The following PLA2R1 variants were observed in gnomAD, a reference collection of about 807,000 sequenced individuals.
The protein encoded by PLA2R1 is phospholipase A2 receptor 1.
Under a neutral mutation model 195.9 loss-of-function variants are expected in PLA2R1, and 158 were observed. The observed-to-expected ratio is 0.81, with a 90% CI of 0.71 to 0.92. PLA2R1 has a LOEUF of 0.92. Among genes scored for constraint, PLA2R1 ranks in the 40% least tolerant of loss-of-function variants. The probability of loss-of-function intolerance (pLI) is 0.00; values close to 1 mark genes in which losing one functional copy is unlikely to be tolerated. For missense variants in PLA2R1, 1,626 were observed against 1,764.6 expected (o/e 0.92, Z 1.41); for synonymous variants, 586 against 598.2 (o/e 0.98, Z 0.30).
chr2:159,940,700 C>A lies in PLA2R1; in HGVS notation c.*1078G>T, dbSNP rs1479820448. On this transcript the variant is annotated 3_prime_UTR_variant, in exon 30 of 30. Transcript: ENST00000283243. ...TTTTATTTACAGACAGTATCATAAT[C>A]ATTATTTACCATCTACACTAACTAG... 2.6e-5 allele frequency: 4 copies of A among 152,068 alleles called. No homozygotes were observed. The highest frequency in any genetic ancestry group is 9.7e-5 in the African/African-American group (4 of 41,404). The allele number at this position is 152,068 out of a possible 1,614,324, so 9.4% of individuals were successfully genotyped here.
intron 17 of PLA2R1, among the ~76,000 whole-genome samples, chr2:159,970,690 C>T (rs1689099686): frequency 6.6e-6 from 1 of 152,084 alleles, no homozygotes; most frequent in African/African-American, 2.4e-5. Flanking sequence ...GCAGTATAAG[C>T]TTTCCTTCCC....
intron 2 of PLA2R1, among the ~76,000 whole-genome samples, chr2:160,042,922 T>A (rs1694635559): frequency 6.6e-6 from 1 of 151,336 alleles, no homozygotes; most frequent in Admixed American, 6.6e-5. Flanking sequence ...CACAGGGCAC[T>A]ACTTTGGACA....
chr2:159,926,545 C>T, the PLA2R1 span, among the ~76,000 whole-genome samples: 1 of 152,128 alleles, frequency 6.6e-6, no homozygotes, highest in East Asian at 1.9e-4. Flanking sequence ...AAGCTTCCCA[C>T]AAAAATGAAA....
In PLA2R1 at chr2:159,967,656, A is replaced by G. The variant is rs1476003084; in HGVS notation, c.2787T>C (p.Cys929=). ...SITGLWGSEE[C]SVSMPSICKR... ...TACAGATACTAGGCATAGAAACTGA[A>G]CACTCTTCACTACCCCAGAGTCCTG... Residue 929 remains cysteine (C), a synonymous_variant, in exon 20 of 30, where the codon TGT becomes TGC. Coordinates refer to ENST00000283243, the MANE Select transcript of PLA2R1 (RefSeq NM_007366.5). 3 of 1,613,820 alleles carry G rather than the reference A, an allele frequency of 1.9e-6. 1 individual carries two copies. The Admixed American group carries it at 5.0e-5, about 27-fold the overall frequency.
chr2:159,946,778 T>C, intron 27 of PLA2R1, 23 bp downstream of exon 27: 1 of 1,583,878 alleles, frequency 6.3e-7, no homozygotes, highest in Non-Finnish European at 8.5e-7. Context: ...ATTTATGTCC[T>C]CTCCTCTACC....
intron 11 of PLA2R1, among the ~76,000 whole-genome samples, chr2:159,996,687 T>C (rs1691235437): frequency 1.3e-5 from 2 of 152,080 alleles, no homozygotes; most frequent in Admixed American, 1.3e-4. Context: ...CAGTTTGAAG[T>C]TGTCCCACAG....
intron 17 of PLA2R1, among the ~76,000 whole-genome samples, chr2:159,971,497 C>T (rs1440084971): frequency 8.0e-6 from 1 of 125,324 alleles, no homozygotes; most frequent in East Asian, 2.1e-4. Flanking sequence ...CATACACACA[C>T]ACACACATTA....
At chr2:160,056,400 C>T (rs1023846405) in intron 1 of PLA2R1, among the ~76,000 whole-genome samples, 1 of 152,150 alleles carries the variant, frequency 6.6e-6, no homozygotes, top group African/African-American at 2.4e-5. Flanking sequence ...CTGACCTCCT[C>T]TGCTGTGAGG....
intron 6 of PLA2R1, among the ~76,000 whole-genome samples, chr2:160,027,346 G>T (rs1421208765): frequency 6.6e-6 from 1 of 151,762 alleles, no homozygotes; most frequent in African/African-American, 2.4e-5. Context: ...TATGAAAGAA[G>T]GAAGAGAGGG....
chr2:159,992,596 A>G (rs1309403249), intron 11 of PLA2R1, among the ~76,000 whole-genome samples: 1 of 150,372 alleles, frequency 6.7e-6, no homozygotes, highest in African/African-American at 2.5e-5. Context: ...TGCCCAAGGT[A>G]ATTTACAGAT....
intron 17 of PLA2R1, among the ~76,000 whole-genome samples, chr2:159,973,757 C>A (rs1279103834): frequency 6.6e-6 from 1 of 152,106 alleles, no homozygotes; most frequent in Non-Finnish European, 1.5e-5. Flanking sequence ...TATACCTTCC[C>A]ATAACTTTCT....
chr2:160,039,994 G>T (rs888110066), intron 3 of PLA2R1, among the ~76,000 whole-genome samples: 1 of 151,742 alleles, frequency 6.6e-6, no homozygotes, highest in African/African-American at 2.4e-5. Context: ...TGAAGTACGT[G>T]TTAACTTTAT....
chr2:159,976,758 T>C, intron 15 of PLA2R1, 38 bp from the exon 16 acceptor site: 1 of 1,552,518 alleles, frequency 6.4e-7, no homozygotes. Flanking sequence ...CTGATCTTGC[T>C]TCTCAAGTGC....
intron 14 of PLA2R1, among the ~76,000 whole-genome samples, chr2:159,978,288 C>T (rs1038094354): frequency 6.6e-6 from 1 of 152,074 alleles, no homozygotes; most frequent in Non-Finnish European, 1.5e-5. Flanking sequence ...TATTTAATGA[C>T]TATCTCACAG....
In PLA2R1 at chr2:159,969,193, C is replaced by CT. The variant is rs1688980522; in HGVS notation, c.2764+62dup. On this transcript the variant is annotated intron_variant, in intron 19 of 29. Coordinates refer to ENST00000283243, the MANE Select transcript of PLA2R1 (RefSeq NM_007366.5). Reference sequence around the variant, plus strand: ...TCATGGAAATGATGCAAGGAAAAGACTTTAAGCCTCCTGAAAATTATCAGT... The same window carrying CT: ...TCATGGAAATGATGCAAGGAAAAGACTTTTAAGCCTCCTGAAAATTATCAGT... The CT allele has an allele frequency of 7.6e-6, 6 of 793,314 alleles. No homozygotes were observed. In the Admixed American group the frequency reaches 1.0e-4, roughly 13 times the overall value. 49.1% of individuals were successfully genotyped at this position (793,314 alleles called of 1,614,324 possible).
chr2:159,971,715 C>T (rs529277036), intron 17 of PLA2R1, among the ~76,000 whole-genome samples: 4 of 152,168 alleles, frequency 2.6e-5, no homozygotes, highest in African/African-American at 9.6e-5. Flanking sequence ...AATTTGTACT[C>T]TCGTTTCTTC....
In PLA2R1 at chr2:159,976,703, G is replaced by C; in HGVS notation, c.2419C>G (p.Pro807Ala). The change falls in exon 16 of 30, where the codon CCG (proline) becomes GCG (alanine). Residue 807 changes from proline to alanine, a missense_variant. Physicochemically the swap from Pro to Ala is conservative, Grantham distance 27 (BLOSUM62 -1). Transcript: ENST00000283243. The part of the protein sequence containing the change: ...KIPRDVKPKI[P>A]FWYQYDVPWL... ...TTCTTACCGTACTGGTACCAGAACG[G>C]AATCTTGGGTTTCACATCTGCAAAG... 2 of 1,610,870 alleles carry C rather than the reference G, an allele frequency of 1.2e-6. No individual in the cohort carries two copies. The highest frequency in any genetic ancestry group is 1.7e-5 in the Admixed American group (1 of 59,992).
At chr2:159,960,398 G>A (rs1047430399) in intron 20 of PLA2R1, among the ~76,000 whole-genome samples, 4 of 152,156 alleles carry the variant, frequency 2.6e-5, no homozygotes, top group Admixed American at 1.3e-4. Flanking sequence ...GGCTGTGTCT[G>A]TTTTTCCTCA....
Position 159,976,667 on chromosome 2 carries a change from T to TG in PLA2R1, c.2437+17dup, listed in dbSNP as rs752659882. The TG allele has an allele frequency of 1.3e-5, 20 of 1,534,746 alleles. No homozygotes were observed. Among genetic ancestry groups the TG allele is most frequent in the Non-Finnish European group, 1.6e-5 (18 of 1,107,782 alleles). On this transcript the variant is annotated intron_variant, in intron 16 of 29. Transcript: ENST00000283243. ...TATTAATAATTAGAAATTCAAGAGC[T>TG]GCCAGAGTCATTCTTACCGTACTGG...
Sources: gnomAD v4.1 joint callset for allele counts (sites outside exome capture counted in the v4.1 genomes callset) on GRCh38, gnomAD v4.1.1 for gene constraint, MANE v1.5 for transcripts, NCBI Gene and HGNC (gene_info 2026-07-23, HGNC 2026-07-21) for gene names.